The following KCTD12 variants were observed in gnomAD, a reference collection of about 807,000 sequenced individuals.
The protein encoded by KCTD12 is BTB/POZ domain-containing protein KCTD12.
A neutral mutation model predicts 22.6 loss-of-function variants in KCTD12; 16 were observed. That is an observed-to-expected ratio of 0.71 (90% CI 0.48 to 1.07). The LOEUF (loss-of-function observed/expected upper bound fraction) is 1.07, where lower values mean the gene tolerates loss of function less well. Ranked by LOEUF, KCTD12 falls within the 50% of genes least tolerant of loss-of-function variation. The pLI is 0.00. For synonymous variants in KCTD12, 260 were observed against 228.0 expected (o/e 1.14, Z -1.26); for missense variants, 452 against 469.2 (o/e 0.96, Z 0.34).
rs1288627222 is a variant in KCTD12 at position 76,880,816 on chromosome 13, A to T, written c.*4355T>A. On this transcript the variant is annotated 3_prime_UTR_variant, in exon 1 of 1. Transcript: ENST00000377474. ...ATACCTCAAAACACATTTAGAATTT[A>T]AAAAAACTGGCTTGGAAAAAAATCA... The T allele has an allele frequency of 3.9e-5, 6 of 152,628 alleles. No homozygotes were observed. Among genetic ancestry groups the T allele is most frequent in the East Asian group, 1.9e-4 (1 of 5,202 alleles). 9.5% of individuals were successfully genotyped at this position (152,628 alleles called of 1,614,324 possible). A position where few individuals can be genotyped will look rare whatever the true frequency, so the allele number is the denominator to read the frequency against.
rs752938768 is a variant in KCTD12, at chr13:76,885,741, G to T, written c.408C>A (p.Gly136=). Residue 136 remains glycine (G), a synonymous_variant, in exon 1 of 1, where the codon GGC becomes GGA. Transcript: ENST00000377474. The surrounding 1 kb of genome is among the most constrained non-coding windows in gnomAD (Gnocchi z 5.1). ...VRRLGAPQQP[G]PGPPPSRRGV... ...CGCGCCGCGAGGGCGGCGGCCCCGG[G>T]CCGGGCTGCTGGGGCGCCCCGAGGC... 3.7e-5 allele frequency: 54 copies of T among 1,441,432 alleles called. No homozygotes were observed. The highest frequency in any genetic ancestry group is 4.6e-5 in the Non-Finnish European group (51 of 1,110,018). 89.3% of individuals were successfully genotyped at this position (1,441,432 alleles called of 1,614,324 possible).
rs1229639675 is a variant in KCTD12, at chr13:76,883,976, TAAGTA to T, written c.*1190_*1194del. 3.3e-5 allele frequency: 5 copies of T among 152,676 alleles called. No individual in the cohort carries two copies. Among genetic ancestry groups the T allele is most frequent in the African/African-American group, 1.2e-4 (5 of 41,464 alleles). The allele number at this position is 152,676 out of a possible 1,614,324, so 9.5% of individuals were successfully genotyped here. A position where few individuals can be genotyped will look rare whatever the true frequency, so the allele number is the denominator to read the frequency against. ...AAGTTTAGGACTCAAAACAGTAAGTTAAGTAAACTGCCAGGTAAGAGTAGGTCTGT... is the reference window on the plus strand; with the variant it reads ...AAGTTTAGGACTCAAAACAGTAAGTTAACTGCCAGGTAAGAGTAGGTCTGT... On this transcript the variant is annotated 3_prime_UTR_variant, in exon 1 of 1. Coordinates refer to ENST00000377474, the MANE Select transcript of KCTD12 (RefSeq NM_138444.4).
chr13:76,885,210 G>C lies in KCTD12; in HGVS notation c.939C>G (p.Ile313Met). 6.2e-7 allele frequency: 1 copy of C among 1,614,130 alleles called. No homozygotes were observed. Among genetic ancestry groups the C allele is most frequent in the Non-Finnish European group, 8.5e-7 (1 of 1,180,030 alleles). The change falls in exon 1 of 1, where the codon ATC becomes ATG. Residue 313 changes from isoleucine to methionine, a missense_variant. Physicochemically the swap from Ile to Met is conservative, Grantham distance 10 (BLOSUM62 1). This residue lies in a region of KCTD12 where 122 missense variants were observed against 172.8 expected (regional missense o/e 0.71). Coordinates refer to ENST00000377474, the MANE Select transcript of KCTD12 (RefSeq NM_138444.4). This position sits in a 1 kb window ranked among gnomAD's most constrained non-coding sequence, Gnocchi z 5.1. ...AGACGTACTCGGTGTAGCTGGTCCAGATCTTGTCCTCGCTCTGGTCGGTGC... is the reference window on the plus strand; with the variant it reads ...AGACGTACTCGGTGTAGCTGGTCCACATCTTGTCCTCGCTCTGGTCGGTGC... The part of the protein sequence containing the change: ...ASSTDQSEDK[I>M]WTSYTEYVFC...
Position 76,885,683 on chromosome 13 carries a change from G to T in KCTD12, c.466C>A (p.Leu156Met). 4 of 1,450,060 alleles carry T rather than the reference G, an allele frequency of 2.8e-6. No homozygotes were observed. The highest frequency in any genetic ancestry group is 3.6e-6 in the Non-Finnish European group (4 of 1,114,946). 89.8% of individuals were successfully genotyped at this position (1,450,060 alleles called of 1,614,324 possible). The change falls in exon 1 of 1, where the codon CTG becomes ATG. Residue 156 changes from leucine (L) to methionine (M), a missense_variant. Transcript: ENST00000377474. The surrounding 1 kb of genome is among the most constrained non-coding windows in gnomAD (Gnocchi z 5.1). ...VHKEGSLGDE[L>M]LPLGYSEPEQ... ...GGCTCCGAGTAGCCAAGCGGCAGCAGCTCGTCACCCAGCGAGCCCTCCTTG... is the reference window on the plus strand; with the variant it reads ...GGCTCCGAGTAGCCAAGCGGCAGCATCTCGTCACCCAGCGAGCCCTCCTTG...
In KCTD12 at chr13:76,886,167, C is replaced by A; in HGVS notation, c.-19G>T. On this transcript the variant is annotated 5_prime_UTR_variant, in exon 1 of 1. Coordinates refer to ENST00000377474, the MANE Select transcript of KCTD12 (RefSeq NM_138444.4). ...GAGCCATGACAGAGAGGTGGCCGGG[C>A]CGGGACAGTGGCAGGAAGCCGCGCT... is the stretch of plus-strand genomic sequence containing the variant. 6.9e-7 allele frequency: 1 copy of A among 1,459,436 alleles called. No homozygotes were observed. The highest frequency in any genetic ancestry group is 9.0e-7 in the Non-Finnish European group (1 of 1,108,386). 90.4% of individuals were successfully genotyped at this position (1,459,436 alleles called of 1,614,324 possible).
rs1185144425 is a variant in KCTD12 at position 76,886,347 on chromosome 13, GTGCGCCCCC to G, written c.-208_-200del. The G allele has an allele frequency of 1.1e-4, 49 of 453,518 alleles. No individual in the cohort carries two copies. The highest frequency in any genetic ancestry group is 1.5e-4 in the Non-Finnish European group (46 of 304,290). 28.1% of individuals were successfully genotyped at this position (453,518 alleles called of 1,614,324 possible). ...AGCCGAGCGGTGCGAGCGCGCCGCT[GTGCGCCCCC>G]TTGAGTTCCAGTGCGCTCCGCCCGC... On this transcript the variant is annotated 5_prime_UTR_variant, in exon 1 of 1. Coordinates refer to ENST00000377474, the MANE Select transcript of KCTD12 (RefSeq NM_138444.4).
At position 76,885,239 on chromosome 13, in the gene KCTD12, T is replaced by C; in HGVS notation, c.910A>G (p.Ser304Gly). The change falls in exon 1 of 1, where the codon AGC (serine) becomes GGC (glycine). Residue 304 changes from serine (S) to glycine (G), a missense_variant. Physicochemically the swap from Ser to Gly is moderately conservative, Grantham distance 56. Around this residue, in one of 2 missense-constraint regions of KCTD12, gnomAD observed 122 missense variants for 172.8 expected, o/e 0.71. Transcript: ENST00000377474. This position sits in a 1 kb window ranked among gnomAD's most constrained non-coding sequence, Gnocchi z 5.1. The part of the protein sequence containing the change: ...CSSTGTCAFA[S>G]STDQSEDKIW... The stretch of plus-strand genomic sequence containing the variant: ...TTGTCCTCGCTCTGGTCGGTGCTGC[T>C]GGCAAAGGCGCAGGTGCCCGTGGAG... 6.2e-7 allele frequency: 1 copy of C among 1,614,044 alleles called. No homozygotes were observed. Among genetic ancestry groups the C allele is most frequent in the South Asian group, 1.1e-5 (1 of 91,062 alleles).
In KCTD12 at chr13:76,880,823, C is replaced by A. The variant is rs2033195249; in HGVS notation, c.*4348G>T. ...AAAACACATTTAGAATTTAAAAAAA[C>A]TGGCTTGGAAAAAAATCACAAAAAA... is the stretch of plus-strand genomic sequence containing the variant. On this transcript the variant is annotated 3_prime_UTR_variant, in exon 1 of 1. Coordinates refer to ENST00000377474, the MANE Select transcript of KCTD12 (RefSeq NM_138444.4). 6.6e-6 allele frequency: 1 copy of A among 152,534 alleles called. No individual in the cohort carries two copies. Among genetic ancestry groups the A allele is most frequent in the African/African-American group, 2.4e-5 (1 of 41,438 alleles). The allele number at this position is 152,534 out of a possible 1,614,324, so 9.4% of individuals were successfully genotyped here. A position where few individuals can be genotyped will look rare whatever the true frequency, so the allele number is the denominator to read the frequency against.
At position 76,885,686 on chromosome 13, in the gene KCTD12, C is replaced by G. The variant is rs781017967; in HGVS notation, c.463G>C (p.Glu155Gln). ...TCCGAGTAGCCAAGCGGCAGCAGCT[C>G]GTCACCCAGCGAGCCCTCCTTGTGC... ...GVHKEGSLGD[E>Q]LLPLGYSEPE... The change falls in exon 1 of 1, where the codon GAG becomes CAG. Residue 155 changes from glutamate (E) to glutamine (Q), a missense_variant. By Grantham distance (29) the Glu-to-Gln change is conservative. This residue lies in a region of KCTD12 where 330 missense variants were observed against 296.5 expected (regional missense o/e 1.11). Coordinates refer to ENST00000377474, the MANE Select transcript of KCTD12 (RefSeq NM_138444.4). This position sits in a 1 kb window ranked among gnomAD's most constrained non-coding sequence, Gnocchi z 5.1. The G allele has an allele frequency of 4.8e-6, 7 of 1,445,226 alleles. No homozygotes were observed. Among genetic ancestry groups the G allele is most frequent in the South Asian group, 1.5e-5 (1 of 68,854 alleles). 89.5% of individuals were successfully genotyped at this position (1,445,226 alleles called of 1,614,324 possible).
rs2033216264 is a variant in KCTD12 at position 76,882,614 on chromosome 13, T to C, written c.*2557A>G. Reference sequence around the variant, plus strand: ...TCCCAAGATGTTCTCAATCATGTGCTTCCTGTTGAACAATCTAACAAAATA... The same window carrying C: ...TCCCAAGATGTTCTCAATCATGTGCCTCCTGTTGAACAATCTAACAAAATA... On this transcript the variant is annotated 3_prime_UTR_variant, in exon 1 of 1. Coordinates refer to ENST00000377474, the MANE Select transcript of KCTD12 (RefSeq NM_138444.4). 6.6e-6 allele frequency: 1 copy of C among 152,228 alleles called. No homozygotes were observed. Among genetic ancestry groups the C allele is most frequent in the South Asian group, 2.1e-4 (1 of 4,836 alleles). 9.4% of individuals were successfully genotyped at this position (152,228 alleles called of 1,614,324 possible). A position where few individuals can be genotyped will look rare whatever the true frequency, so the allele number is the denominator to read the frequency against.
In KCTD12 at chr13:76,885,957, G is replaced by C. The variant is rs746382839; in HGVS notation, c.192C>G (p.Phe64Leu). 6.3e-7 allele frequency: 1 copy of C among 1,590,100 alleles called. No homozygotes were observed. Among genetic ancestry groups the C allele is most frequent in the South Asian group, 1.1e-5 (1 of 89,344 alleles). Residue 64 changes from phenylalanine to leucine, a missense_variant, in exon 1 of 1, where the codon TTC becomes TTG. By Grantham distance (22) the Phe-to-Leu change is conservative. Transcript: ENST00000377474. The surrounding 1 kb of genome is among the most constrained non-coding windows in gnomAD (Gnocchi z 5.1). ...CCAGCTCCTGCGGCTGCTGCTGCGTGAACATGCGCCAGAGCAGCGAGTCGG... is the reference window on the plus strand; with the variant it reads ...CCAGCTCCTGCGGCTGCTGCTGCGTCAACATGCGCCAGAGCAGCGAGTCGG... Reference protein sequence around the residue: ...SVPDSLLWRMFTQQQPQELAR... With the variant: ...SVPDSLLWRMLTQQQPQELAR...
At position 76,886,288 on chromosome 13, in the gene KCTD12, A is replaced by ACCG. The variant is rs1555308972; in HGVS notation, c.-143_-141dup. The ACCG allele has an allele frequency of 3.8e-6, 4 of 1,047,778 alleles. No homozygotes were observed. Among genetic ancestry groups the ACCG allele is most frequent in the Middle Eastern group, 3.4e-4 (1 of 2,984 alleles). The allele number at this position is 1,047,778 out of a possible 1,614,324, so 64.9% of individuals were successfully genotyped here. A position where few individuals can be genotyped will look rare whatever the true frequency, so the allele number is the denominator to read the frequency against. ...CGCCGCCGCCGCCGCCACCGCCGCC[A>ACCG]CCGCCACCGCCGCCACCTCCTAGAG... On this transcript the variant is annotated 5_prime_UTR_variant, in exon 1 of 1. Coordinates refer to ENST00000377474, the MANE Select transcript of KCTD12 (RefSeq NM_138444.4).
chr13:76,884,797 T>G lies in KCTD12; in HGVS notation c.*374A>C. ...GCACATTGGACACGGTCCAATCAGG[T>G]TCTGAACAATTCAATCATCCCCCGG... On this transcript the variant is annotated 3_prime_UTR_variant, in exon 1 of 1. Coordinates refer to ENST00000377474, the MANE Select transcript of KCTD12 (RefSeq NM_138444.4). 1 of 233,954 alleles carries G rather than the reference T, an allele frequency of 4.3e-6. No homozygotes were observed. The highest frequency in any genetic ancestry group is 8.5e-6 in the Non-Finnish European group (1 of 117,248). The allele number at this position is 233,954 out of a possible 1,614,324, so 14.5% of individuals were successfully genotyped here.
In KCTD12 at chr13:76,885,867, A is replaced by G. The variant is rs763986285; in HGVS notation, c.282T>C (p.Asp94=). ...GCACGAGCTGCAAGTCCCGCAGGTA[A>G]TCCAGGATGTAGCGGAAGAGGAAGC... ...RDGFLFRYIL[D]YLRDLQLVLP... Residue 94 remains aspartate (D), a synonymous_variant, in exon 1 of 1, where the codon GAT becomes GAC. Coordinates refer to ENST00000377474, the MANE Select transcript of KCTD12 (RefSeq NM_138444.4). This position sits in a 1 kb window ranked among gnomAD's most constrained non-coding sequence, Gnocchi z 5.1. 6 of 1,597,038 alleles carry G rather than the reference A, an allele frequency of 3.8e-6. No homozygotes were observed. The highest frequency in any genetic ancestry group is 5.1e-6 in the Non-Finnish European group (6 of 1,179,438).
In KCTD12 at chr13:76,886,088, C is replaced by T. The variant is rs2137704663; in HGVS notation, c.61G>A (p.Gly21Ser). ...GGCTCCGCGGAGGACGACGAGGAGC[C>T]ACTGCCGCCCCCGCCGCCGCCCCCG... ...PNGGGGGGGS[G>S]SSSSSAEPPL... Residue 21 changes from glycine to serine, a missense_variant, in exon 1 of 1, where the codon GGC (glycine) becomes AGC (serine). Gly to Ser is a moderately conservative substitution (Grantham distance 56). Around this residue, in one of 2 missense-constraint regions of KCTD12, gnomAD observed 330 missense variants for 296.5 expected, o/e 1.11. Transcript: ENST00000377474. The T allele has an allele frequency of 1.9e-6, 3 of 1,550,706 alleles. No individual in the cohort carries two copies. Among genetic ancestry groups the T allele is most frequent in the South Asian group, 1.2e-5 (1 of 84,286 alleles).
rs1465098712 is a variant in KCTD12, at chr13:76,880,872, T to G, written c.*4299A>C. On this transcript the variant is annotated 3_prime_UTR_variant, in exon 1 of 1. Transcript: ENST00000377474. ...AATTTAAGTGACAACAAATCTTGAT[T>G]AACTAGTCCATCTTCCTACCACACA... The G allele has an allele frequency of 1.3e-5, 2 of 152,602 alleles. No individual in the cohort carries two copies. Among genetic ancestry groups the G allele is most frequent in the African/African-American group, 2.4e-5 (1 of 41,452 alleles). 9.5% of individuals were successfully genotyped at this position (152,602 alleles called of 1,614,324 possible). A position where few individuals can be genotyped will look rare whatever the true frequency, so the allele number is the denominator to read the frequency against.
In KCTD12 at chr13:76,884,959, G is replaced by T; in HGVS notation, c.*212C>A. ...GTTCCTCTGGGTTCTCTCGGTTCAG[G>T]AGGTCCAAAGAAGACGAAGCAGCCC... On this transcript the variant is annotated 3_prime_UTR_variant, in exon 1 of 1. Transcript: ENST00000377474. 1 of 574,144 alleles carries T rather than the reference G, an allele frequency of 1.7e-6. No individual in the cohort carries two copies. 35.6% of individuals were successfully genotyped at this position (574,144 alleles called of 1,614,324 possible). A position where few individuals can be genotyped will look rare whatever the true frequency, so the allele number is the denominator to read the frequency against.
rs1416894200 is a variant in KCTD12 at position 76,885,689 on chromosome 13, C to A, written c.460G>T (p.Asp154Tyr). The change falls in exon 1 of 1, where the codon GAC (aspartate) becomes TAC (tyrosine). Residue 154 changes from aspartate (D) to tyrosine (Y), a missense_variant. Coordinates refer to ENST00000377474, the MANE Select transcript of KCTD12 (RefSeq NM_138444.4). The surrounding 1 kb of genome is among the most constrained non-coding windows in gnomAD (Gnocchi z 5.1). Reference sequence around the variant, plus strand: ...GAGTAGCCAAGCGGCAGCAGCTCGTCACCCAGCGAGCCCTCCTTGTGCACC... The same window carrying A: ...GAGTAGCCAAGCGGCAGCAGCTCGTAACCCAGCGAGCCCTCCTTGTGCACC... The part of the protein sequence containing the change: ...RGVHKEGSLG[D>Y]ELLPLGYSEP... 6.9e-7 allele frequency: 1 copy of A among 1,445,210 alleles called. No individual in the cohort carries two copies. The allele number at this position is 1,445,210 out of a possible 1,614,324, so 89.5% of individuals were successfully genotyped here. A position where few individuals can be genotyped will look rare whatever the true frequency, so the allele number is the denominator to read the frequency against.
Position 76,885,834 on chromosome 13 carries a change from G to A in KCTD12, c.315C>T (p.Asp105=). The A allele has an allele frequency of 1.3e-6, 2 of 1,595,782 alleles. No homozygotes were observed. Among genetic ancestry groups the A allele is most frequent in the Non-Finnish European group, 8.5e-7 (1 of 1,178,936 alleles). The part of the protein sequence containing the change: ...YLRDLQLVLP[D]YFPERSRLQR... ...GCAGCCGGCTGCGCTCGGGGAAGTA[G>A]TCGGGCAGCACGAGCTGCAAGTCCC... The change falls in exon 1 of 1, where the codon GAC becomes GAT. Residue 105 remains aspartate (D), a synonymous_variant. Transcript: ENST00000377474. This position sits in a 1 kb window ranked among gnomAD's most constrained non-coding sequence, Gnocchi z 5.1.
Sources: gnomAD v4.1 joint callset for allele counts on GRCh38, gnomAD v4.1.1 for gene constraint, gnomAD v4.1.1 regional missense constraint, Gnocchi (gnomAD v3.1) non-coding constraint, MANE v1.5 for transcripts, NCBI Gene and HGNC (gene_info 2026-07-23, HGNC 2026-07-21) for gene names.